Variants in PPARGC1A observed in about 807,000 individuals in gnomAD.
The protein encoded by PPARGC1A is peroxisome proliferator-activated receptor gamma coactivator 1-alpha.
A neutral mutation model predicts 88.7 loss-of-function variants in PPARGC1A; 25 were observed. The ratio of observed to expected loss-of-function variants is 0.28; its 90% confidence interval spans 0.21 to 0.39. The LOEUF is 0.39. Ranked by LOEUF, PPARGC1A falls within the 10% of genes least tolerant of loss-of-function variation. The pLI is 1.00. For missense variants in PPARGC1A, 880 were observed against 968.7 expected (o/e 0.91, Z 1.22); for synonymous variants, 363 against 355.6 (o/e 1.02, Z -0.24).
chr4:24,393,038 CA>C, the PPARGC1A span, among the ~76,000 whole-genome samples: 5 of 151,836 alleles, frequency 3.3e-5, no homozygotes, highest in Non-Finnish European at 5.9e-5. Context: ...CACACACACA[CA>C]CACACACACC....
intron 2 of PPARGC1A, among the ~76,000 whole-genome samples, chr4:23,869,889 T>C (rs189377975): frequency 3.7e-4 from 56 of 152,286 alleles, no homozygotes; most frequent in Admixed American, 1.1e-3. Flanking sequence ...CTGAGCTATA[T>C]TTGTCTTGAC....
At chr4:24,277,124 G>A in the PPARGC1A span, among the ~76,000 whole-genome samples, 2,205 of 152,168 alleles carry the variant, frequency 0.014, 65 homozygotes, top group African/African-American at 0.05. Flanking sequence ...GCAGGGTCTC[G>A]CTCTGTTGCC....
the PPARGC1A span, among the ~76,000 whole-genome samples, chr4:24,005,620 T>C: frequency 6.6e-6 from 1 of 152,168 alleles, no homozygotes; most frequent in African/African-American, 2.4e-5. Flanking sequence ...TAGACACAAC[T>C]GGAGGTTTCC....
chr4:24,335,102 T>G, the PPARGC1A span, among the ~76,000 whole-genome samples: 1 of 151,960 alleles, frequency 6.6e-6, no homozygotes, highest in Non-Finnish European at 1.5e-5. Flanking sequence ...ATAATGGGAG[T>G]TGTCTGTCTA....
At chr4:24,152,266 C>T in the PPARGC1A span, among the ~76,000 whole-genome samples, 1 of 152,156 alleles carries the variant, frequency 6.6e-6, no homozygotes, top group Non-Finnish European at 1.5e-5. Context: ...GAGGAGCTTT[C>T]AGGGCAAGCT....
the PPARGC1A span, among the ~76,000 whole-genome samples, chr4:24,240,070 A>G: frequency 2.6e-5 from 4 of 152,212 alleles, no homozygotes; most frequent in African/African-American, 9.6e-5. Flanking sequence ...AATGCTTTGT[A>G]TAAATGGAAA....
At chr4:23,811,237 C>A (rs1720834816) in intron 10 of PPARGC1A, among the ~76,000 whole-genome samples, 1 of 152,154 alleles carries the variant, frequency 6.6e-6, no homozygotes, top group African/African-American at 2.4e-5. Context: ...GATTTTGATT[C>A]CATTAGTCAG....
At chr4:24,288,104 GC>G in the PPARGC1A span, among the ~76,000 whole-genome samples, 1 of 152,054 alleles carries the variant, frequency 6.6e-6, no homozygotes, top group African/African-American at 2.4e-5. Flanking sequence ...CATTCTTCAA[GC>G]TTTCAACCCA....
the PPARGC1A span, among the ~76,000 whole-genome samples, chr4:24,140,380 A>C: frequency 5.4e-3 from 822 of 152,348 alleles, 31 homozygotes; most frequent in East Asian, 0.098. Flanking sequence ...CATTGCTTTA[A>C]GACAGGAACA....
the PPARGC1A span, among the ~76,000 whole-genome samples, chr4:23,910,679 C>T: frequency 6.6e-6 from 1 of 151,122 alleles, no homozygotes; most frequent in Non-Finnish European, 1.5e-5. Flanking sequence ...ACCTCATGAT[C>T]CACCTGCCTC....
At chr4:24,173,784 A>C in the PPARGC1A span, among the ~76,000 whole-genome samples, 6 of 152,236 alleles carry the variant, frequency 3.9e-5, no homozygotes, top group Non-Finnish European at 5.9e-5. Flanking sequence ...GCAAAATGGG[A>C]ATAATAACTC....
the PPARGC1A span, among the ~76,000 whole-genome samples, chr4:24,432,376 A>G: frequency 6.6e-6 from 1 of 152,066 alleles, no homozygotes; most frequent in East Asian, 1.9e-4. Context: ...GGTGAGGGAG[A>G]GCTCATTTTG....
the PPARGC1A span, among the ~76,000 whole-genome samples, chr4:24,056,234 T>C: frequency 1.3e-5 from 2 of 152,212 alleles, no homozygotes; most frequent in African/African-American, 4.8e-5. Flanking sequence ...GACAATACTC[T>C]CTGGGCTATC....
chr4:24,192,074 C>G, the PPARGC1A span, among the ~76,000 whole-genome samples: 1 of 152,236 alleles, frequency 6.6e-6, no homozygotes, highest in Non-Finnish European at 1.5e-5. Flanking sequence ...CATGGCTCCA[C>G]TAGCATTTCT....
At chr4:24,469,621 G>A in the PPARGC1A span, among the ~76,000 whole-genome samples, 2 of 152,140 alleles carry the variant, frequency 1.3e-5, no homozygotes, top group African/African-American at 4.8e-5. Context: ...CAGCCCGAGA[G>A]CCAATCATTC....
At chr4:23,815,797 G>A (rs764813342) in intron 7 of PPARGC1A, among the ~76,000 whole-genome samples, 5 of 152,054 alleles carry the variant, frequency 3.3e-5, no homozygotes, top group Non-Finnish European at 7.4e-5. Context: ...TTTAGGAGGC[G>A]GGGTGAATAC....
the PPARGC1A span, among the ~76,000 whole-genome samples, chr4:24,311,148 A>G: frequency 1.8e-5 from 2 of 110,372 alleles, no homozygotes; most frequent in African/African-American, 3.5e-5. Flanking sequence ...CACCCAGGCT[A>G]GAGTGCAGTG....
At chr4:24,462,452 A>G in the PPARGC1A span, among the ~76,000 whole-genome samples, 2 of 151,904 alleles carry the variant, frequency 1.3e-5, no homozygotes, top group African/African-American at 4.8e-5. Flanking sequence ...CAGTTCATCC[A>G]TCTGAATGCA....
upstream of PPARGC1A, chr4:23,890,216 T>TA: frequency 5.7e-6 from 2 of 353,942 alleles, no homozygotes; most frequent in Non-Finnish European, 7.6e-6. Flanking sequence ...AAGTAACGCT[T>TA]TAAAAAAAAA....
Sources: allele counts gnomAD v4.1 joint callset (sites outside exome capture counted in the v4.1 genomes callset), GRCh38; gene constraint gnomAD v4.1.1; transcripts MANE v1.5; gene names NCBI Gene and HGNC (gene_info 2026-07-23, HGNC 2026-07-21).